The following GRM5 variants were observed in gnomAD, a reference collection of about 807,000 sequenced individuals.
The protein encoded by GRM5 is glutamate metabotropic receptor 5, also known as metabotropic glutamate receptor 5.
Under a neutral mutation model 83.1 loss-of-function variants are expected in GRM5, and 19 were observed. The ratio of observed to expected loss-of-function variants is 0.23; its 90% confidence interval spans 0.16 to 0.34. GRM5 has a LOEUF of 0.34. GRM5 is among the 10% of genes least tolerant of loss of function. The pLI is 1.00. For synonymous variants in GRM5, 675 were observed against 633.6 expected (o/e 1.07, Z -0.98); for missense variants, 1,160 against 1,588.3 (o/e 0.73, Z 4.58).
At chr11:88,540,269 A>G (rs969667284) in intron 8 of GRM5, among the ~76,000 whole-genome samples, 1 of 152,160 alleles carries the variant, frequency 6.6e-6, no homozygotes, top group Non-Finnish European at 1.5e-5. Context: ...ATCTCAATGC[A>G]TAAAACTTGT....
intron 3 of GRM5, among the ~76,000 whole-genome samples, chr11:88,841,821 A>G (rs1944208814): frequency 6.6e-6 from 1 of 151,628 alleles, no homozygotes; most frequent in African/African-American, 2.4e-5. Context: ...AAAAGACATG[A>G]TAAAAAAATG....
chr11:88,793,446 T>C (rs984696952), intron 3 of GRM5, among the ~76,000 whole-genome samples: 4 of 152,154 alleles, frequency 2.6e-5, no homozygotes, highest in Non-Finnish European at 5.9e-5. Flanking sequence ...GAATAACTCA[T>C]TGATGGTAGA....
At chr11:88,972,891 T>G (rs1404103731) in intron 2 of GRM5, among the ~76,000 whole-genome samples, 1 of 152,132 alleles carries the variant, frequency 6.6e-6, no homozygotes, top group African/African-American at 2.4e-5. Context: ...TGCAAAGAGC[T>G]CAGCATCACT....
intron 3 of GRM5, among the ~76,000 whole-genome samples, chr11:88,779,340 A>G (rs1467565849): frequency 3.3e-5 from 5 of 152,142 alleles, no homozygotes; most frequent in African/African-American, 1.2e-4. Context: ...TAGCATGGTA[A>G]TATTTGCTCT....
At chr11:88,648,077 A>C (rs541503901) in intron 4 of GRM5, among the ~76,000 whole-genome samples, 1 of 152,210 alleles carries the variant, frequency 6.6e-6, no homozygotes, top group Admixed American at 6.5e-5. Context: ...TAGTTCAACC[A>C]TTGTGGAAGT....
intron 2 of GRM5, among the ~76,000 whole-genome samples, chr11:88,882,742 T>A (rs1199710842): frequency 1.3e-5 from 2 of 152,158 alleles, no homozygotes; most frequent in Non-Finnish European, 2.9e-5. Flanking sequence ...ATTATTATTA[T>A]TAATTATTTG....
chr11:88,756,958 G>C (rs1942406682), intron 3 of GRM5, among the ~76,000 whole-genome samples: 1 of 151,926 alleles, frequency 6.6e-6, no homozygotes, highest in Non-Finnish European at 1.5e-5. Context: ...CAATTAAATG[G>C]AACTCAAAAA....
At chr11:88,727,241 T>C (rs1261996799) in intron 3 of GRM5, among the ~76,000 whole-genome samples, 2 of 152,092 alleles carry the variant, frequency 1.3e-5, no homozygotes, top group Non-Finnish European at 2.9e-5. Flanking sequence ...GCAATCCTAG[T>C]CTCTGATAAA....
At position 88,968,221 on chromosome 11, in the gene GRM5, G is replaced by T. The variant is rs1939051717; in HGVS notation, c.661+78991C>A. ...AAATTAATACAGTATGTTACAATTA[G>T]ATCTGGTCAGCTGGAAGAATATGAA... On this transcript the variant is annotated intron_variant, in intron 2 of 9. Coordinates refer to ENST00000305447, the MANE Select transcript of GRM5 (RefSeq NM_001143831.3). Among the ~76,000 whole-genome samples, 14 of 152,242 alleles carry T rather than the reference G, an allele frequency of 9.2e-5. No homozygotes were observed. In the South Asian group the frequency reaches 2.9e-3, roughly 32 times the overall value.
intron 7 of GRM5, among the ~76,000 whole-genome samples, chr11:88,570,769 A>G (rs1265050840): frequency 6.6e-6 from 1 of 150,622 alleles, no homozygotes; most frequent in Middle Eastern, 3.5e-3. Context: ...GGATTTCACC[A>G]TGTTGGCCAG....
chr11:88,811,637 G>T (rs1371157193), intron 3 of GRM5, among the ~76,000 whole-genome samples: 1 of 152,026 alleles, frequency 6.6e-6, no homozygotes, highest in South Asian at 2.1e-4. Context: ...TAGGGAGAAC[G>T]GTCTCTATAA....
At chr11:88,804,526 G>A (rs927442613) in intron 3 of GRM5, among the ~76,000 whole-genome samples, 1 of 151,648 alleles carries the variant, frequency 6.6e-6, no homozygotes, top group African/African-American at 2.4e-5. Flanking sequence ...TCACACTCTG[G>A]GGACTGTTGT....
At chr11:88,597,407 G>A (rs893138248) in intron 5 of GRM5, 55 bp from the exon 6 acceptor site, 3 of 923,806 alleles carry the variant, frequency 3.2e-6, no homozygotes, top group Admixed American at 5.8e-5. Context: ...ACTCAGCTTT[G>A]AAAAGGCAAT....
intron 7 of GRM5, among the ~76,000 whole-genome samples, chr11:88,589,039 A>T (rs1411798612): frequency 6.6e-6 from 1 of 152,146 alleles, no homozygotes; most frequent in African/African-American, 2.4e-5. Context: ...AAAAAGTTAC[A>T]TCTGTATATT....
chr11:88,928,765 T>G (rs1405752406), intron 2 of GRM5, among the ~76,000 whole-genome samples: 4 of 152,008 alleles, frequency 2.6e-5, no homozygotes, highest in Admixed American at 2.6e-4. Context: ...GATTTTATGT[T>G]TTAATTTATA....
intron 2 of GRM5, among the ~76,000 whole-genome samples, chr11:88,960,974 C>G (rs1427670666): frequency 6.6e-6 from 1 of 152,080 alleles, no homozygotes; most frequent in Admixed American, 6.6e-5. Context: ...CAGAAAGAAG[C>G]ATGTATACTG....
intron 2 of GRM5, among the ~76,000 whole-genome samples, chr11:89,043,578 T>A (rs72954990): frequency 6.6e-6 from 1 of 152,118 alleles, no homozygotes; most frequent in Middle Eastern, 3.4e-3. Context: ...ATGTTATTTT[T>A]TTTTTTTTGC....
At chr11:89,061,651 A>G (rs1941994864) in intron 1 of GRM5, among the ~76,000 whole-genome samples, 1 of 152,160 alleles carries the variant, frequency 6.6e-6, no homozygotes, top group Non-Finnish European at 1.5e-5. Flanking sequence ...GAATTTTTCA[A>G]TTTCCCCCTG....
intron 3 of GRM5, among the ~76,000 whole-genome samples, chr11:88,680,454 T>G (rs1460273715): frequency 6.6e-6 from 1 of 152,218 alleles, no homozygotes; most frequent in Non-Finnish European, 1.5e-5. Context: ...ATGGTGTATA[T>G]GCGCCACATT....
Sources: gnomAD v4.1 joint callset for allele counts (sites outside exome capture counted in the v4.1 genomes callset) on GRCh38, gnomAD v4.1.1 for gene constraint, MANE v1.5 for transcripts, NCBI Gene and HGNC (gene_info 2026-07-23, HGNC 2026-07-21) for gene names.